TTC34: variants seen among roughly 807,000 people sequenced by gnomAD.
TTC34 encodes tetratricopeptide repeat domain 34, also known as tetratricopeptide repeat protein 34.
A neutral mutation model predicts 40.7 loss-of-function variants in TTC34; 44 were observed. The observed-to-expected ratio is 1.08, with a 90% CI of 0.85 to 1.39. The LOEUF (loss-of-function observed/expected upper bound fraction) is 1.39, where lower values mean the gene tolerates loss of function less well. Among genes scored for constraint, TTC34 ranks in the 40% most tolerant of loss-of-function variants. The pLI is 0.00. For synonymous variants in TTC34, 422 were observed against 398.6 expected (o/e 1.06, Z -0.70); for missense variants, 884 against 838.0 (o/e 1.05, Z -0.68).
At chr1:2,685,219 T>A (rs372957240) in intron 6 of TTC34, among the ~76,000 whole-genome samples, 13 of 26,866 alleles carry the variant, frequency 4.8e-4, no homozygotes, top group Admixed American at 9.5e-4. Flanking sequence ...GCATCTGACA[T>A]CGTGGAGCAG....
intron 6 of TTC34, among the ~76,000 whole-genome samples, chr1:2,687,908 A>G (rs1303224712): frequency 1.7e-5 from 2 of 119,850 alleles, no homozygotes; most frequent in East Asian, 2.8e-4. Context: ...CATCTGACAG[A>G]CTGGAACAGC....
chr1:2,688,374 A>G, intron 6 of TTC34, among the ~76,000 whole-genome samples: 2 of 151,228 alleles, frequency 1.3e-5, no homozygotes, highest in African/African-American at 2.4e-5. Context: ...CCACACGCCC[A>G]GGTGAGCATC....
intron 6 of TTC34, among the ~76,000 whole-genome samples, chr1:2,652,716 G>C (rs1639191656): frequency 1.3e-5 from 2 of 149,618 alleles, no homozygotes; most frequent in Admixed American, 1.3e-4. Flanking sequence ...GCCTGGAGGA[G>C]CACCCACACC....
At chr1:2,683,351 C>A (rs1400714681) in intron 6 of TTC34, among the ~76,000 whole-genome samples, 425 of 122,168 alleles carry the variant, frequency 3.5e-3, no homozygotes, top group Admixed American at 4.1e-3. Context: ...CCACCCTGCA[C>A]CCCCAGGTGA....
intron 6 of TTC34, among the ~76,000 whole-genome samples, chr1:2,755,545 A>T (rs1215472878): frequency 2.6e-5 from 1 of 38,982 alleles, no homozygotes; most frequent in African/African-American, 1.6e-4. Flanking sequence ...ACCCACACCC[A>T]CAGGCGAGCA....
intron 6 of TTC34, among the ~76,000 whole-genome samples, chr1:2,647,802 CAG>C (rs1639050467): frequency 6.6e-6 from 1 of 152,156 alleles, no homozygotes; most frequent in South Asian, 2.1e-4. Context: ...TCGTTTGAAA[CAG>C]AGTTTTGTTT....
intron 6 of TTC34, among the ~76,000 whole-genome samples, chr1:2,748,991 A>T (rs1641232261): frequency 8.6e-6 from 1 of 115,796 alleles, no homozygotes; most frequent in South Asian, 2.9e-4. Context: ...GGCCTGGAAC[A>T]GCACCCACAC....
exon 9 of TTC34, chr1:2,641,811 T>C: frequency 5.2e-6 from 8 of 1,534,770 alleles, no homozygotes; most frequent in Non-Finnish European, 6.1e-6. Flanking sequence ...CTGCTGCCAC[T>C]GGCCAGGACA....
chr1:2,686,985 C>A (rs796761543), intron 6 of TTC34, among the ~76,000 whole-genome samples: 1,656 of 63,224 alleles, frequency 0.026, no homozygotes, highest in East Asian at 0.049. Flanking sequence ...CATCCGCCAG[C>A]CTGGAAAAGC....
intron 2 of TTC34, among the ~76,000 whole-genome samples, chr1:2,795,712 C>T (rs891558569): frequency 6.6e-6 from 1 of 152,166 alleles, no homozygotes; most frequent in African/African-American, 2.4e-5. Flanking sequence ...TAATGAAGAA[C>T]CTTAAACAAA....
rs1639125447 is a variant in TTC34 at position 2,651,183 on chromosome 1, C to T, written c.2227-5620G>A. Among the ~76,000 whole-genome samples, 4 of 151,782 alleles carry T rather than the reference C, an allele frequency of 2.6e-5. No individual in the cohort carries two copies. In the South Asian group the frequency reaches 8.3e-4, roughly 32 times the overall value. Reference sequence around the variant, plus strand: ...GTGAGCACTTCACAGCCTAAAACTGCACCTCACAGGCCAAGGTGAGCATCT... The same window carrying T: ...GTGAGCACTTCACAGCCTAAAACTGTACCTCACAGGCCAAGGTGAGCATCT... On this transcript the variant is annotated intron_variant, in intron 6 of 8. Coordinates refer to ENST00000401095, the Ensembl canonical transcript of TTC34.
In TTC34 at chr1:2,796,706, G is replaced by A. The variant is rs1036259440; in HGVS notation, c.784+3338C>T. ...CTTGCTGTGGGCATGGTCCTCACCA[G>A]CCCCTGAGTGCCTGTGCTCTGGGCA... On this transcript the variant is annotated intron_variant, in intron 2 of 8. Transcript: ENST00000401095. This position sits in a 1 kb window ranked among gnomAD's most constrained non-coding sequence, Gnocchi z 4.5. Among the ~76,000 whole-genome samples, 6 of 152,192 alleles carry A rather than the reference G, an allele frequency of 3.9e-5. No homozygotes were observed. In the East Asian group the frequency reaches 1.2e-3, roughly 29 times the overall value.
intron 6 of TTC34, among the ~76,000 whole-genome samples, chr1:2,779,614 C>T (rs139284863): frequency 2.0e-5 from 3 of 152,344 alleles, no homozygotes; most frequent in Non-Finnish European, 2.9e-5. Context: ...TGAGCCACCA[C>T]ACCCAGCTGG....
intron 6 of TTC34, among the ~76,000 whole-genome samples, chr1:2,747,709 A>AACCACACG (rs1641198475): frequency 3.4e-5 from 1 of 29,318 alleles, no homozygotes; most frequent in African/African-American, 2.5e-4. Context: ...TTGGAACAGC[A>AACCACACG]CCCCGCACCC....
intron 6 of TTC34, among the ~76,000 whole-genome samples, chr1:2,702,019 C>T (rs1193202417): frequency 9.3e-6 from 1 of 107,940 alleles, no homozygotes; most frequent in Non-Finnish European, 2.3e-5. Context: ...GAAACCCCCC[C>T]ACTGCTTCCA....
chr1:2,673,220 G>A (rs1245863900), intron 6 of TTC34, among the ~76,000 whole-genome samples: 1 of 73,274 alleles, frequency 1.4e-5, no homozygotes, highest in Non-Finnish European at 3.4e-5. Context: ...CAGACAGCCT[G>A]GAACCGCAGC....
At chr1:2,690,442 C>A (rs901227625) in intron 6 of TTC34, among the ~76,000 whole-genome samples, 1 of 148,268 alleles carries the variant, frequency 6.7e-6, no homozygotes, top group Admixed American at 6.8e-5. Context: ...ATCTGACAGC[C>A]TGGAACAGCA....
At chr1:2,694,842 GC>G (rs1640785759) in intron 6 of TTC34, among the ~76,000 whole-genome samples, 1 of 91,992 alleles carries the variant, frequency 1.1e-5, no homozygotes, top group African/African-American at 3.6e-5. Flanking sequence ...CCCCAGGTGA[GC>G]ATCTGATGGT....
At chr1:2,781,405 A>T (rs1557686478) in intron 6 of TTC34, among the ~76,000 whole-genome samples, 1 of 152,152 alleles carries the variant, frequency 6.6e-6, no homozygotes, top group Admixed American at 6.6e-5. Flanking sequence ...TGCTGAATTC[A>T]TTTATTAGTT....
Sources: allele counts gnomAD v4.1 joint callset (sites outside exome capture counted in the v4.1 genomes callset), GRCh38; gene constraint gnomAD v4.1.1; non-coding constraint Gnocchi (gnomAD v3.1); transcripts MANE v1.5; gene names NCBI Gene and HGNC (gene_info 2026-07-23, HGNC 2026-07-21).